The following ALPK2 variants were observed in gnomAD, a reference collection of about 807,000 sequenced individuals.
The protein encoded by ALPK2 is alpha-protein kinase 2.
ALPK2 carries 127 observed loss-of-function variants against 163.1 expected under a neutral mutation model. The ratio of observed to expected loss-of-function variants is 0.78; its 90% CI spans 0.67 to 0.90. The LOEUF (loss-of-function observed/expected upper bound fraction) is 0.90, where lower values mean the gene tolerates loss of function less well. Among genes scored for constraint, ALPK2 ranks in the 40% least tolerant of loss-of-function variants. The pLI, the probability that ALPK2 is intolerant of heterozygous loss-of-function variation, is 0.00. For missense variants in ALPK2, 2,360 were observed against 2,589.6 expected (o/e 0.91, Z 1.92); for synonymous variants, 953 against 959.1 (o/e 0.99, Z 0.12).
chr18:58,570,178 G>T (rs2051878932), intron 4 of ALPK2, among the ~76,000 whole-genome samples: 1 of 151,734 alleles, frequency 6.6e-6, no homozygotes, highest in Non-Finnish European at 1.5e-5. Flanking sequence ...TCCCATCATC[G>T]GCTAAGATCT....
At chr18:58,592,672 A>C (rs1205079348) in intron 3 of ALPK2, among the ~76,000 whole-genome samples, 2 of 152,180 alleles carry the variant, frequency 1.3e-5, no homozygotes, top group African/African-American at 2.4e-5. Flanking sequence ...TGTGAACTGC[A>C]GGGGAAAGTT....
intron 12 of ALPK2, among the ~76,000 whole-genome samples, chr18:58,482,915 C>T (rs2051319048): frequency 6.6e-6 from 1 of 152,184 alleles, no homozygotes; most frequent in African/African-American, 2.4e-5. Flanking sequence ...GGGTTCTGGG[C>T]AGAATGTGAA....
At chr18:58,528,882 TG>T in intron 6 of ALPK2, 1 of 594,022 alleles carries the variant, frequency 1.7e-6, no homozygotes, top group Non-Finnish European at 2.8e-6. Context: ...AACTCAATTC[TG>T]GCAAAACCTG....
chr18:58,523,826 G>C lies in ALPK2; in HGVS notation c.5645C>G (p.Ser1882Ter), dbSNP rs117281564. 6.2e-7 allele frequency: 1 copy of C among 1,614,160 alleles called. No homozygotes were observed. The highest frequency in any genetic ancestry group is 2.2e-5 in the East Asian group (1 of 44,890). Residue 1882 changes from serine (S) to a stop codon, truncating the protein, a stop_gained, in exon 8 of 13, where the codon TCA becomes TGA. Coordinates refer to ENST00000361673, the MANE Select transcript of ALPK2 (RefSeq NM_052947.4). LOFTEE classifies it high-confidence loss of function. ...CTTACCTTTAGTATCCTGGCGACTT[G>C]ACAGCTGTTTGAGAACTAGAAGAAG... ...NLTAEVLKQL[S>*]SRQDTKGCEE...
At chr18:58,534,641 G>A (rs1354319283) in intron 5 of ALPK2, among the ~76,000 whole-genome samples, 193 bp downstream of exon 5, 1 of 152,154 alleles carries the variant, frequency 6.6e-6, no homozygotes, top group African/African-American at 2.4e-5. Context: ...GGGGAGGGGA[G>A]CAATCTGGGT....
intron 1 of ALPK2, among the ~76,000 whole-genome samples, chr18:58,627,387 G>C (rs748809142): frequency 1.3e-5 from 2 of 152,202 alleles, no homozygotes; most frequent in Non-Finnish European, 2.9e-5. Context: ...TTGGGAGGCC[G>C]AGGCGGGTGG....
intron 3 of ALPK2, among the ~76,000 whole-genome samples, chr18:58,592,948 A>G (rs1568095757): frequency 1.3e-5 from 2 of 152,348 alleles, no homozygotes; most frequent in South Asian, 2.1e-4. Context: ...GACTAAATCA[A>G]TAGTTCTCAG....
chr18:58,559,134 A>G (rs2051810561), intron 4 of ALPK2, among the ~76,000 whole-genome samples: 1 of 152,224 alleles, frequency 6.6e-6, no homozygotes, highest in Admixed American at 6.5e-5. Context: ...TAGTGATGGT[A>G]TATAATCTAG....
chr18:58,575,806 A>G (rs2144193872), intron 4 of ALPK2, among the ~76,000 whole-genome samples: 1 of 152,238 alleles, frequency 6.6e-6, no homozygotes, highest in East Asian at 1.9e-4. Flanking sequence ...TTCCAATATT[A>G]GCCTGGGTAG....
intron 4 of ALPK2, among the ~76,000 whole-genome samples, chr18:58,549,235 G>A (rs761078642): frequency 1.3e-5 from 2 of 152,210 alleles, no homozygotes; most frequent in Admixed American, 6.5e-5. Context: ...TGCACTGAAA[G>A]TGAGGATGTC....
Position 58,535,129 on chromosome 18 carries a change from C to G in ALPK2, c.5058G>C (p.Glu1686Asp). ...GTLGCAKKSREREKSLEARAG... is the reference protein window; with the variant it reads ...GTLGCAKKSRDREKSLEARAG... ...CTCGGGCTTCCAGGGACTTCTCTCT[C>G]TCCCTGGACTTTTTCGCACAGCCCA... The change falls in exon 5 of 13, where the codon GAG becomes GAC. Residue 1686 changes from glutamate (E) to aspartate (D), a missense_variant. By Grantham distance (45) the Glu-to-Asp change is conservative (BLOSUM62 2). Transcript: ENST00000361673. The G allele has an allele frequency of 6.2e-7, 1 of 1,613,906 alleles. No homozygotes were observed. The highest frequency in any genetic ancestry group is 1.1e-5 in the South Asian group (1 of 91,070).
chr18:58,509,569 C>T (rs932294959), intron 10 of ALPK2, among the ~76,000 whole-genome samples: 21 of 151,842 alleles, frequency 1.4e-4, no homozygotes, highest in South Asian at 6.3e-4. Context: ...TTTTAATGAT[C>T]GCCATTCTAA....
At chr18:58,575,585 C>T (rs768501838) in intron 4 of ALPK2, among the ~76,000 whole-genome samples, 2 of 152,168 alleles carry the variant, frequency 1.3e-5, no homozygotes, top group African/African-American at 2.4e-5. Context: ...ATGATCTTAC[C>T]CTAGTGTGGC....
At chr18:58,498,240 C>T (rs533883079) in intron 11 of ALPK2, 143 bp from the exon 12 acceptor site, 73 of 722,434 alleles carry the variant, frequency 1.0e-4, no homozygotes, top group South Asian at 5.9e-4. Context: ...CTTTCATATA[C>T]GCATCCAGCT....
At chr18:58,514,962 G>C (rs779415848) in intron 10 of ALPK2, 31 bp downstream of exon 10, 14 of 1,570,106 alleles carry the variant, frequency 8.9e-6, no homozygotes, top group African/African-American at 1.4e-5. Context: ...CGAGTCAGGA[G>C]TGTGACACAA....
At chr18:58,512,708 T>C (rs1033017484) in intron 10 of ALPK2, among the ~76,000 whole-genome samples, 8 of 146,020 alleles carry the variant, frequency 5.5e-5, no homozygotes, top group African/African-American at 2.0e-4. Flanking sequence ...GGTGTGTATG[T>C]GTATGTGTGT....
Position 58,538,099 on chromosome 18 carries a change from C to CCCT in ALPK2, c.2085_2087dup (p.Gly696dup), listed in dbSNP as rs2051665929. ...CTAATGATGCATTTTCCTTGTGGAC[C>CCCT]CCTCCTAAGTTTGAGAAGGAAATTG... On this transcript the variant is annotated inframe_insertion, in exon 5 of 13. Transcript: ENST00000361673. The CCCT allele has an allele frequency of 1.9e-6, 3 of 1,614,024 alleles. No homozygotes were observed. Among genetic ancestry groups the CCCT allele is most frequent in the Non-Finnish European group, 2.5e-6 (3 of 1,180,006 alleles).
chr18:58,567,186 G>A (rs2051858942), intron 4 of ALPK2, among the ~76,000 whole-genome samples: 1 of 151,314 alleles, frequency 6.6e-6, no homozygotes, highest in Non-Finnish European at 1.5e-5. Flanking sequence ...AGGAGTTCGA[G>A]ACCAGTGTGG....
chr18:58,596,402 G>A (rs1008720071), intron 3 of ALPK2, among the ~76,000 whole-genome samples: 4 of 152,226 alleles, frequency 2.6e-5, no homozygotes, highest in African/African-American at 9.7e-5. Context: ...GGGCAAGCAG[G>A]GCACCCTGCA....
Sources: gnomAD v4.1 joint callset for allele counts (sites outside exome capture counted in the v4.1 genomes callset) on GRCh38, gnomAD v4.1.1 for gene constraint, MANE v1.5 for transcripts, NCBI Gene and HGNC (gene_info 2026-07-23, HGNC 2026-07-21) for gene names.